PKD1L1: variants seen among roughly 807,000 people sequenced by gnomAD.
PKD1L1 encodes the protein polycystin-1-like protein 1.
PKD1L1 carries 236 observed loss-of-function variants against 323.4 expected under a neutral mutation model. The observed-to-expected ratio is 0.73, with a 90% CI of 0.66 to 0.81. The LOEUF (loss-of-function observed/expected upper bound fraction) is 0.81, where lower values mean the gene tolerates loss of function less well. PKD1L1 is among the 40% of genes least tolerant of loss of function. The probability of loss-of-function intolerance (pLI) is 0.00; values close to 1 mark genes in which losing one functional copy is unlikely to be tolerated. For synonymous variants in PKD1L1, 1,344 were observed against 1,335.0 expected (o/e 1.01, Z -0.15); for missense variants, 3,320 against 3,508.0 (o/e 0.95, Z 1.35).
At chr7:47,823,310 C>T (rs1785183130) in intron 45 of PKD1L1, among the ~76,000 whole-genome samples, 2 of 152,042 alleles carry the variant, frequency 1.3e-5, no homozygotes, top group Admixed American at 1.3e-4. Flanking sequence ...TTATCAAATG[C>T]TTTTTCTGCC....
chr7:47,902,585 C>T, intron 12 of PKD1L1, 74 bp from the exon 13 acceptor site: 1 of 1,495,566 alleles, frequency 6.7e-7, no homozygotes, highest in Non-Finnish European at 9.1e-7. Context: ...CTCTTCATAC[C>T]CACTCATATC....
intron 32 of PKD1L1, among the ~76,000 whole-genome samples, chr7:47,846,230 T>G (rs767776384): frequency 2.6e-5 from 4 of 152,236 alleles, no homozygotes; most frequent in Non-Finnish European, 4.4e-5. Context: ...TTGTTTATCC[T>G]AATGAAAAGG....
rs1006252750 is a variant in PKD1L1 at position 47,840,729 on chromosome 7, G to A, written c.5446-162C>T. ...CTAGAGCCAGGGGATGAGTGGGCAC[G>A]TCCAGTCCCAGGCTTCCCTGGAGAG... On this transcript the variant is annotated intron_variant, in intron 34 of 56. Coordinates refer to ENST00000289672, the MANE Select transcript of PKD1L1 (RefSeq NM_138295.5). The surrounding 1 kb of genome is among the most constrained non-coding windows in gnomAD (Gnocchi z 4.1). 1.3e-5 allele frequency among the ~76,000 whole-genome samples: 2 copies of A among 152,232 alleles called. No individual in the cohort carries two copies. The highest frequency in any genetic ancestry group is 6.5e-5 in the Admixed American group (1 of 15,288).
chr7:47,901,319 CAG>C (rs1160173485), intron 13 of PKD1L1, among the ~76,000 whole-genome samples: 2 of 78,568 alleles, frequency 2.5e-5, no homozygotes, highest in African/African-American at 5.7e-5. Context: ...GCCTGGGCAA[CAG>C]AGTCTCAAAA....
intron 33 of PKD1L1, 73 bp downstream of exon 33, chr7:47,844,922 A>G: frequency 7.8e-7 from 1 of 1,282,856 alleles, no homozygotes; most frequent in Non-Finnish European, 1.1e-6. Flanking sequence ...CCCCGGAATT[A>G]TATGTGGGCA....
At chr7:47,942,576 T>C (rs1041415801) in intron 2 of PKD1L1, among the ~76,000 whole-genome samples, 6 of 152,146 alleles carry the variant, frequency 3.9e-5, no homozygotes, top group African/African-American at 1.4e-4. Context: ...TTCCTTCTAC[T>C]TAAAGGAATC....
chr7:47,923,473 GATC>G (rs1787597242), intron 7 of PKD1L1, among the ~76,000 whole-genome samples: 1 of 151,676 alleles, frequency 6.6e-6, no homozygotes, highest in South Asian at 2.1e-4. Flanking sequence ...AAATCTCAGA[GATC>G]ACCACTGAAG....
intron 1 of PKD1L1, among the ~76,000 whole-genome samples, chr7:47,947,176 C>A (rs1007525871): frequency 7.2e-5 from 11 of 152,246 alleles, no homozygotes; most frequent in African/African-American, 2.7e-4. Context: ...ATGTGACCAA[C>A]CCCGTCAACA....
chr7:47,842,912 T>C (rs1449021349), intron 34 of PKD1L1, 50 bp downstream of exon 34: 30 of 1,517,070 alleles, frequency 2.0e-5, no homozygotes, highest in Non-Finnish European at 2.6e-5. Flanking sequence ...ACTTCTGATG[T>C]TGACACTGCT....
intron 31 of PKD1L1, among the ~76,000 whole-genome samples, chr7:47,852,172 A>G (rs1851403): frequency 0.19 from 28,218 of 152,120 alleles, 3,666 homozygotes; most frequent in African/African-American, 0.36. Flanking sequence ...CCCCACCCAC[A>G]TGTGCACACC....
At chr7:47,859,381 C>T (rs897096648) in intron 26 of PKD1L1, among the ~76,000 whole-genome samples, 5 of 152,180 alleles carry the variant, frequency 3.3e-5, no homozygotes, top group African/African-American at 1.2e-4. Flanking sequence ...TGATGCCCTC[C>T]AGATTCCTCT....
In PKD1L1 at chr7:47,831,131, A is replaced by C; in HGVS notation, c.6473+86T>G. 3 of 1,484,062 alleles carry C rather than the reference A, an allele frequency of 2.0e-6. No homozygotes were observed. The South Asian group carries it at 3.9e-5, about 19-fold the overall frequency. 91.9% of individuals were successfully genotyped at this position (1,484,062 alleles called of 1,614,324 possible). ...TGACATCTGGAGCCTGCATCTGATG[A>C]GTTCCCAGAAATGCAGGGATTTGTT... On this transcript the variant is annotated intron_variant, in intron 42 of 56. Coordinates refer to ENST00000289672, the MANE Select transcript of PKD1L1 (RefSeq NM_138295.5).
chr7:47,902,227 C>T, intron 13 of PKD1L1, 152 bp downstream of exon 13: 1 of 1,186,082 alleles, frequency 8.4e-7, no homozygotes, highest in South Asian at 1.6e-5. Flanking sequence ...GCTCTGAAGC[C>T]CTTATAGGCA....
Position 47,792,709 on chromosome 7 carries a change from A to G in PKD1L1, c.8444T>C (p.Leu2815Pro). The change falls in exon 56 of 57, where the codon CTG becomes CCG. Residue 2815 changes from leucine to proline, a missense_variant. Transcript: ENST00000289672. ...CCCTGTGTTGTTGGATGTTTTTTCC[A>G]GAAGGGGGAGTTGTAGGCTGTCGGA... ...GLSDSLQLPL[L>P]EKTSNNTGEA... The G allele has an allele frequency of 6.2e-7, 1 of 1,614,126 alleles. No individual in the cohort carries two copies. The highest frequency in any genetic ancestry group is 8.5e-7 in the Non-Finnish European group (1 of 1,179,982).
rs760658890 is a variant in PKD1L1 at position 47,931,329 on chromosome 7, GT to G, written c.520-9del. The G allele has an allele frequency of 6.2e-7, 1 of 1,614,010 alleles. No individual in the cohort carries two copies. On this transcript the variant is annotated splice_polypyrimidine_tract_variant and intron_variant, in intron 5 of 56. Coordinates refer to ENST00000289672, the MANE Select transcript of PKD1L1 (RefSeq NM_138295.5). ...AGAAGTGGTGCCCTGGAGCTTAAAA[GT>G]TTAAGAACAGTTCAGGGTTTATTGA...
At position 47,815,344 on chromosome 7, in the gene PKD1L1, G is replaced by A. The variant is rs982895686; in HGVS notation, c.7079C>T (p.Pro2360Leu). The A allele has an allele frequency of 5.0e-6, 8 of 1,613,862 alleles. No homozygotes were observed. The highest frequency in any genetic ancestry group is 3.3e-5 in the Admixed American group (2 of 59,968). Reference protein sequence around the residue: ...YPGGTPSARVPGAQPGALGGK... With the variant: ...YPGGTPSARVLGAQPGALGGK... ...AGACGGAAAGCTCACCTGAGCCCCC[G>A]GCACACGGGCTGACGGGGTGCCTCC... The change falls in exon 47 of 57, where the codon CCG becomes CTG. Residue 2360 changes from proline (P) to leucine (L), a missense_variant. Transcript: ENST00000289672.
At chr7:47,906,376 T>C (rs1787207068) in intron 9 of PKD1L1, among the ~76,000 whole-genome samples, 1 of 152,204 alleles carries the variant, frequency 6.6e-6, no homozygotes, top group Non-Finnish European at 1.5e-5. Context: ...AGATTGTGCA[T>C]ATATGTATAT....
intron 54 of PKD1L1, among the ~76,000 whole-genome samples, chr7:47,799,517 C>T (rs1203739875): frequency 6.6e-6 from 1 of 152,150 alleles, no homozygotes; most frequent in Non-Finnish European, 1.5e-5. Context: ...GGCAGGCACA[C>T]CAATATGCCT....
At chr7:47,955,015 G>C in the PKD1L1 span, among the ~76,000 whole-genome samples, 1 of 152,216 alleles carries the variant, frequency 6.6e-6, no homozygotes. Flanking sequence ...TTACTGTCCA[G>C]TGATTTGTGA....
Sources: gnomAD v4.1 joint callset for allele counts (sites outside exome capture counted in the v4.1 genomes callset) on GRCh38, gnomAD v4.1.1 for gene constraint, Gnocchi (gnomAD v3.1) non-coding constraint, MANE v1.5 for transcripts, NCBI Gene and HGNC (gene_info 2026-07-23, HGNC 2026-07-21) for gene names.